The following CSTF3 variants were observed in gnomAD, a reference collection of about 807,000 sequenced individuals.
CSTF3 encodes CF-1 77 kDa subunit.
In CSTF3, 29 loss-of-function variants were observed where a neutral mutation model predicts 105.8. That is an observed-to-expected ratio of 0.27 (90% confidence interval 0.20 to 0.37). The LOEUF (loss-of-function observed/expected upper bound fraction) is 0.37. Ranked by LOEUF, CSTF3 falls within the 10% of genes least tolerant of loss-of-function variation. The pLI, the probability that CSTF3 is intolerant of heterozygous loss-of-function variation, is 1.00. For synonymous variants in CSTF3, 252 were observed against 281.9 expected (o/e 0.89, Z 1.06); for missense variants, 357 against 879.3 (o/e 0.41, Z 7.51).
intron 3 of CSTF3, among the ~76,000 whole-genome samples, chr11:33,121,875 A>G (rs1460766366): frequency 6.6e-6 from 1 of 152,182 alleles, no homozygotes; most frequent in Non-Finnish European, 1.5e-5. Context: ...GTCAGTAGAG[A>G]TATCAGATTA....
chr11:33,139,010 CTAAA>C (rs1213049869), intron 3 of CSTF3, among the ~76,000 whole-genome samples: 2 of 151,856 alleles, frequency 1.3e-5, no homozygotes, highest in East Asian at 3.8e-4. Context: ...TTTTACATAG[CTAAA>C]TAGATACTGC....
intron 13 of CSTF3, among the ~76,000 whole-genome samples, chr11:33,097,593 T>A (rs1194476820): frequency 6.6e-6 from 1 of 152,174 alleles, no homozygotes; most frequent in Admixed American, 6.5e-5. Flanking sequence ...GGTCTCAATC[T>A]CCTGACCTCG....
chr11:33,159,731 T>C lies in CSTF3; in HGVS notation c.27+1568A>G, dbSNP rs592919. 9.2e-3 allele frequency among the ~76,000 whole-genome samples: 1,393 copies of C among 151,630 alleles called. 16 individuals are homozygous for C. The highest frequency in any genetic ancestry group is 0.012 in the Non-Finnish European group (834 of 67,934). ...GAAGCTATGGTGAGCTGTGATGGCG[T>C]CACAGCACTCTAGTGTGAGTGACAA... On this transcript the variant is annotated intron_variant, in intron 1 of 20. Coordinates refer to ENST00000323959, the MANE Select transcript of CSTF3 (RefSeq NM_001326.3).
At chr11:33,123,197 A>C (rs549526995) in intron 3 of CSTF3, among the ~76,000 whole-genome samples, 4 of 151,896 alleles carry the variant, frequency 2.6e-5, no homozygotes, top group Admixed American at 6.5e-5. Context: ...AAAAAAAAAA[A>C]CAAAAAAATG....
chr11:33,156,605 T>C (rs1849869185), intron 1 of CSTF3: 10 of 436,444 alleles, frequency 2.3e-5, no homozygotes, highest in South Asian at 1.6e-4. Context: ...TAGAATCATG[T>C]AGCTTTTCCA....
At chr11:33,129,885 A>T (rs1855581191) in intron 3 of CSTF3, among the ~76,000 whole-genome samples, 2 of 152,244 alleles carry the variant, frequency 1.3e-5, no homozygotes, top group South Asian at 4.1e-4. Flanking sequence ...ATGCAACATC[A>T]TAGTGGTTTA....
At chr11:33,149,287 G>A (rs1439784810) in intron 1 of CSTF3, among the ~76,000 whole-genome samples, 1 of 152,106 alleles carries the variant, frequency 6.6e-6, no homozygotes, top group Non-Finnish European at 1.5e-5. Context: ...TCAAATGTTC[G>A]TAACACAATC....
rs1278708779 is a variant in CSTF3, at chr11:33,146,283, A to C, written c.28-4297T>G. 2.0e-5 allele frequency among the ~76,000 whole-genome samples: 3 copies of C among 152,104 alleles called. No homozygotes were observed. In the East Asian group the frequency reaches 5.8e-4, roughly 29 times the overall value. On this transcript the variant is annotated intron_variant, in intron 1 of 20. Coordinates refer to ENST00000323959, the MANE Select transcript of CSTF3 (RefSeq NM_001326.3). ...AAGAAACTGATCAACGTTTAATATA[A>C]ATGTCCGATTCTGAATTCCACTTCT...
rs372512990 is a variant in CSTF3 at position 33,135,043 on chromosome 11, A to C, written c.225+6624T>G. ...TTAATTCTTTTAAGCCACATTCTTC[A>C]GCTTAGATGATTCTCCCGTAACACT... On this transcript the variant is annotated intron_variant, in intron 3 of 20. Coordinates refer to ENST00000323959, the MANE Select transcript of CSTF3 (RefSeq NM_001326.3). 1.5e-4 allele frequency among the ~76,000 whole-genome samples: 23 copies of C among 152,330 alleles called. No individual in the cohort carries two copies. In the East Asian group the frequency reaches 4.2e-3, roughly 28 times the overall value.
chr11:33,109,252 A>G (rs1234116662), intron 3 of CSTF3, among the ~76,000 whole-genome samples: 1 of 152,246 alleles, frequency 6.6e-6, no homozygotes, highest in Non-Finnish European at 1.5e-5. Context: ...TGTGTTAATC[A>G]GCAAATCTGT....
chr11:33,111,430 T>C (rs1009805002), intron 3 of CSTF3, among the ~76,000 whole-genome samples: 5 of 152,082 alleles, frequency 3.3e-5, no homozygotes, highest in African/African-American at 7.2e-5. Context: ...CAAGATCTTA[T>C]TGAATGAAAA....
In CSTF3 at chr11:33,105,650, C is replaced by G; in HGVS notation, c.502G>C (p.Val168Leu). ...SYAENQRITA[V>L]RRVYQRGCVN... ...CAACCTCGTTGATAAACTCTTCGGA[C>G]AGCTGTTATTCTTTGATTTTCTGCA... The change falls in exon 8 of 21, where the codon GTC becomes CTC. Residue 168 changes from valine to leucine, a missense_variant. Coordinates refer to ENST00000323959, the MANE Select transcript of CSTF3 (RefSeq NM_001326.3). The G allele has an allele frequency of 1.2e-6, 2 of 1,613,384 alleles. No homozygotes were observed. The highest frequency in any genetic ancestry group is 1.7e-6 in the Non-Finnish European group (2 of 1,179,464).
At chr11:33,143,190 A>T (rs1279209379) in intron 1 of CSTF3, among the ~76,000 whole-genome samples, 1 of 152,260 alleles carries the variant, frequency 6.6e-6, no homozygotes, top group Admixed American at 6.5e-5. Context: ...AGAGATTTTT[A>T]AAATATATTC....
At chr11:33,090,335 ATTCTC>A (rs1855156517) in intron 17 of CSTF3, among the ~76,000 whole-genome samples, 192 bp downstream of exon 17, 1 of 152,182 alleles carries the variant, frequency 6.6e-6, no homozygotes, top group African/African-American at 2.4e-5. Context: ...TCCCATTTCA[ATTCTC>A]ATTTTGTTCA....
chr11:33,087,279 C>T, intron 17 of CSTF3, 138 bp from the exon 18 acceptor site: 1 of 832,744 alleles, frequency 1.2e-6, no homozygotes, highest in East Asian at 2.5e-5. Flanking sequence ...AGCAAGGACT[C>T]TAATGATGGT....
chr11:33,121,028 G>T (rs542285307), intron 3 of CSTF3, among the ~76,000 whole-genome samples: 30 of 152,082 alleles, frequency 2.0e-4, no homozygotes, highest in African/African-American at 7.0e-4. Context: ...ACAGGATTTC[G>T]ATCTTTCCGT....
intron 5 of CSTF3, among the ~76,000 whole-genome samples, 170 bp from the exon 6 acceptor site, chr11:33,106,234 A>T (rs1035603180): frequency 6.6e-6 from 1 of 151,826 alleles, no homozygotes. Context: ...ACATAGCAAA[A>T]CCCAGTCTCT....
chr11:33,161,304 C>A lies in CSTF3; in HGVS notation c.22G>T (p.Glu8Ter). The change falls in exon 1 of 21, where the codon GAG becomes TAG. Residue 8 changes from glutamate to a stop codon, truncating the protein, a stop_gained. Coordinates refer to ENST00000323959, the MANE Select transcript of CSTF3 (RefSeq NM_001326.3). LOFTEE classifies it high-confidence loss of function. The part of the protein sequence containing the change: MSGDGAT[E>*]QAAEYVPEKV... ...CCACCACTCTCCTTCCTCACCTGCT[C>A]CGTGGCTCCGTCTCCTGACATGGCC... is the stretch of plus-strand genomic sequence containing the variant. 1 of 1,613,318 alleles carries A rather than the reference C, an allele frequency of 6.2e-7. No individual in the cohort carries two copies. The highest frequency in any genetic ancestry group is 8.5e-7 in the Non-Finnish European group (1 of 1,180,028).
At chr11:33,133,998 GTATGTA>G (rs1405948813) in intron 3 of CSTF3, among the ~76,000 whole-genome samples, 2 of 152,102 alleles carry the variant, frequency 1.3e-5, no homozygotes, top group Non-Finnish European at 2.9e-5. Flanking sequence ...TCAACTGTGT[GTATGTA>G]TAAGAATCTT....
Sources: gnomAD v4.1 joint callset for allele counts (sites outside exome capture counted in the v4.1 genomes callset) on GRCh38, gnomAD v4.1.1 for gene constraint, MANE v1.5 for transcripts, NCBI Gene and HGNC (gene_info 2026-07-23, HGNC 2026-07-21) for gene names.